The following ZBTB20 variants were observed in gnomAD, a reference collection of about 807,000 sequenced individuals.
ZBTB20 encodes zinc finger and BTB domain-containing protein 20.
Under a neutral mutation model 56.9 loss-of-function variants are expected in ZBTB20, and 9 were observed. The observed-to-expected ratio is 0.16, with a 90% CI of 0.10 to 0.28. The LOEUF (loss-of-function observed/expected upper bound fraction) is 0.28, where lower values mean the gene tolerates loss of function less well. ZBTB20 is among the 10% of genes least tolerant of loss of function. The probability of loss-of-function intolerance (pLI) is 1.00; values close to 1 mark genes in which losing one functional copy is unlikely to be tolerated. For missense variants in ZBTB20, 655 were observed against 1,003.0 expected, an observed-to-expected ratio of 0.65 and a Z score of 4.69; for synonymous variants, 417 against 420.7, an observed-to-expected ratio of 0.99 and a Z score of 0.11.
chr3:114,705,860 G>T (rs1244289549), intron 5 of ZBTB20, among the ~76,000 whole-genome samples: 1 of 152,162 alleles, frequency 6.6e-6, no homozygotes, highest in Non-Finnish European at 1.5e-5. Context: ...CCAAAGAACA[G>T]AAATTATACT....
At chr3:115,033,021 G>C (rs898539207) in intron 2 of ZBTB20, among the ~76,000 whole-genome samples, 2 of 139,114 alleles carry the variant, frequency 1.4e-5, no homozygotes, top group African/African-American at 5.3e-5. Context: ...ATACGTATTA[G>C]AGCAGATGTA....
intron 7 of ZBTB20, among the ~76,000 whole-genome samples, chr3:114,408,684 A>C (rs966118722): frequency 1.8e-4 from 28 of 152,154 alleles, no homozygotes; most frequent in African/African-American, 6.8e-4. Flanking sequence ...TTGGTCACAA[A>C]TCAATGCTAC....
chr3:114,834,782 G>C (rs1315273286), intron 4 of ZBTB20, among the ~76,000 whole-genome samples: 1 of 152,086 alleles, frequency 6.6e-6, no homozygotes, highest in East Asian at 1.9e-4. Flanking sequence ...TTTGTCTGAA[G>C]CAAGTGTCTG....
intron 5 of ZBTB20, among the ~76,000 whole-genome samples, chr3:114,799,646 G>A (rs1006324020): frequency 1.4e-4 from 21 of 151,912 alleles, no homozygotes; most frequent in Non-Finnish European, 3.1e-4. Flanking sequence ...GAAAGAGAGA[G>A]CCCCTGCTCT....
chr3:114,612,156 T>C (rs939830966), intron 6 of ZBTB20, among the ~76,000 whole-genome samples: 6 of 152,350 alleles, frequency 3.9e-5, no homozygotes, highest in African/African-American at 1.4e-4. Context: ...TTCCATTATC[T>C]TTCAACGTCC....
intron 6 of ZBTB20, among the ~76,000 whole-genome samples, chr3:114,596,337 C>T (rs183023282): frequency 1.3e-5 from 2 of 152,288 alleles, no homozygotes; most frequent in East Asian, 3.9e-4. Flanking sequence ...ACTTAGAATG[C>T]ACAATGATGT....
chr3:114,573,527 G>A, intron 6 of ZBTB20, among the ~76,000 whole-genome samples: 1 of 136,496 alleles, frequency 7.3e-6, no homozygotes, highest in Admixed American at 7.5e-5. Context: ...GAAACAGAGA[G>A]AGAGAAAGAG....
chr3:114,567,962 A>G (rs1191911111), intron 6 of ZBTB20, among the ~76,000 whole-genome samples: 1 of 152,230 alleles, frequency 6.6e-6, no homozygotes, highest in Non-Finnish European at 1.5e-5. Flanking sequence ...CAAACTCCAC[A>G]CCAGCTTTGG....
At chr3:114,478,300 G>C (rs944358576) in intron 7 of ZBTB20, among the ~76,000 whole-genome samples, 1 of 152,166 alleles carries the variant, frequency 6.6e-6, no homozygotes, top group African/African-American at 2.4e-5. Context: ...ATTCCTCAGA[G>C]GCAGATATGA....
At chr3:114,585,473 T>C (rs1047852633) in intron 6 of ZBTB20, among the ~76,000 whole-genome samples, 2 of 152,236 alleles carry the variant, frequency 1.3e-5, no homozygotes, top group African/African-American at 4.8e-5. Flanking sequence ...CACAGCCGTA[T>C]GTGCACATGT....
At chr3:114,506,919 G>A (rs1405407930) in intron 6 of ZBTB20, among the ~76,000 whole-genome samples, 4 of 152,232 alleles carry the variant, frequency 2.6e-5, no homozygotes, top group African/African-American at 9.6e-5. Context: ...TCAGCTAACG[G>A]TTCACACTTG....
chr3:114,814,863 G>C (rs1263212790), intron 4 of ZBTB20, among the ~76,000 whole-genome samples: 2 of 152,154 alleles, frequency 1.3e-5, no homozygotes, highest in African/African-American at 4.8e-5. Context: ...ATCTGCTTGA[G>C]CAAAGGGTTT....
chr3:114,556,857 G>A (rs1300932051), intron 6 of ZBTB20, among the ~76,000 whole-genome samples: 2 of 152,066 alleles, frequency 1.3e-5, no homozygotes, highest in Non-Finnish European at 2.9e-5. Flanking sequence ...GTATACTGCT[G>A]AGGATGCAGA....
At chr3:114,747,952 C>CAAAAAAAAA (rs2067188017) in intron 5 of ZBTB20, among the ~76,000 whole-genome samples, 1 of 139,134 alleles carries the variant, frequency 7.2e-6, no homozygotes, top group African/African-American at 3.3e-5. Flanking sequence ...AAAAAAAAAC[C>CAAAAAAAAA]AAGATTGAGA....
chr3:114,636,929 A>AC (rs2059308471), intron 6 of ZBTB20, among the ~76,000 whole-genome samples: 1 of 42,110 alleles, frequency 2.4e-5, no homozygotes, highest in Non-Finnish European at 4.5e-5. Context: ...ACAACAACAA[A>AC]AAACAACAAC....
At chr3:114,730,655 C>T (rs113766475) in intron 5 of ZBTB20, among the ~76,000 whole-genome samples, 17 of 152,338 alleles carry the variant, frequency 1.1e-4, no homozygotes, top group African/African-American at 3.6e-4. Context: ...AGGCTATCTG[C>T]AGCCAAAGAC....
At chr3:114,927,436 C>A (rs553268025) in intron 3 of ZBTB20, among the ~76,000 whole-genome samples, 1 of 152,256 alleles carries the variant, frequency 6.6e-6, no homozygotes, top group South Asian at 2.1e-4. Context: ...TTAACGTTGA[C>A]AAAATAAACT....
chr3:114,649,180 T>C (rs1560083715), intron 6 of ZBTB20, among the ~76,000 whole-genome samples: 1 of 152,018 alleles, frequency 6.6e-6, no homozygotes, highest in Non-Finnish European at 1.5e-5. Flanking sequence ...TTAGAAATCT[T>C]ATTTTTTGGG....
chr3:114,979,344 G>C (rs940211253), intron 2 of ZBTB20, among the ~76,000 whole-genome samples: 1 of 151,928 alleles, frequency 6.6e-6, no homozygotes, highest in Non-Finnish European at 1.5e-5. Flanking sequence ...TTGGAAATAG[G>C]AGTAGTATAA....
Sources: allele counts gnomAD v4.1 joint callset (sites outside exome capture counted in the v4.1 genomes callset), GRCh38; gene constraint gnomAD v4.1.1; transcripts MANE v1.5; gene names NCBI Gene and HGNC (gene_info 2026-07-23, HGNC 2026-07-21).